The following SAMMSON variants were observed in gnomAD, a reference collection of about 807,000 sequenced individuals.
The protein encoded by SAMMSON is long intergenic non-protein coding RNA 1212.
At chr3:70,035,111 A>AG (rs1167810786) in intron 3 of SAMMSON, among the ~76,000 whole-genome samples, 2 of 151,948 alleles carry the variant, frequency 1.3e-5, no homozygotes, top group African/African-American at 2.4e-5. Context: ...AATTATGTGA[A>AG]GGGGGGGATT....
chr3:70,118,144 G>A (rs920982906), intron 4 of SAMMSON, among the ~76,000 whole-genome samples: 1 of 151,962 alleles, frequency 6.6e-6, no homozygotes, highest in South Asian at 2.1e-4. Context: ...GGATGGTCTC[G>A]ATCTCCTGAC....
chr3:70,178,904 G>A (rs1249858254), intron 4 of SAMMSON, among the ~76,000 whole-genome samples: 1 of 152,090 alleles, frequency 6.6e-6, no homozygotes, highest in Admixed American at 6.5e-5. Flanking sequence ...GGGAGGCTGA[G>A]GTAGGAGAAT....
intron 4 of SAMMSON, among the ~76,000 whole-genome samples, chr3:70,215,826 G>A (rs1203074882): frequency 6.6e-6 from 1 of 152,066 alleles, no homozygotes; most frequent in Non-Finnish European, 1.5e-5. Context: ...GGCGTGTCTT[G>A]GTTTTCAGTT....
chr3:70,248,573 A>G (rs1701730566), intron 4 of SAMMSON, among the ~76,000 whole-genome samples: 2 of 152,068 alleles, frequency 1.3e-5, no homozygotes, highest in Non-Finnish European at 2.9e-5. Context: ...ATTTAGAAAG[A>G]GAATGTTGGC....
At chr3:70,380,091 G>T (rs761184766) in intron 9 of SAMMSON, among the ~76,000 whole-genome samples, 6 of 151,976 alleles carry the variant, frequency 3.9e-5, no homozygotes, top group Non-Finnish European at 7.4e-5. Context: ...TTTATATAAA[G>T]TGCTGGTGGC....
intron 7 of SAMMSON, chr3:70,291,895 T>C (rs1023180580): frequency 6.6e-6 from 1 of 152,224 alleles, no homozygotes. Context: ...TATTTTCTGC[T>C]CTCTTATCTT....
chr3:70,078,503 A>T (rs1323959258), intron 4 of SAMMSON, among the ~76,000 whole-genome samples: 1 of 152,100 alleles, frequency 6.6e-6, no homozygotes, highest in African/African-American at 2.4e-5. Flanking sequence ...CAGCCTTCAG[A>T]TTCCCCACAT....
intron 4 of SAMMSON, among the ~76,000 whole-genome samples, chr3:70,219,063 A>G (rs990950582): frequency 2.0e-5 from 3 of 152,198 alleles, no homozygotes; most frequent in Non-Finnish European, 4.4e-5. Flanking sequence ...GTTTAAAAAA[A>G]TTATTTCTAA....
intron 2 of SAMMSON, among the ~76,000 whole-genome samples, chr3:70,430,155 TA>T (rs1194040967): frequency 4.6e-5 from 7 of 152,290 alleles, no homozygotes; most frequent in Admixed American, 1.3e-4. Flanking sequence ...GTACCTAGTT[TA>T]TTGAGAGTTT....
At chr3:70,224,717 G>GTGAA (rs1553646736) in intron 4 of SAMMSON, among the ~76,000 whole-genome samples, 1 of 148,690 alleles carries the variant, frequency 6.7e-6, no homozygotes, top group Non-Finnish European at 1.5e-5. Context: ...TTCACCCTTG[G>GTGAA]TTTTTTTTTT....
chr3:70,172,465 G>A (rs1222396287), intron 4 of SAMMSON: 1 of 151,646 alleles, frequency 6.6e-6, no homozygotes, highest in African/African-American at 2.4e-5. Context: ...TATTCAAAGG[G>A]GTAAAAAGTT....
intron 9 of SAMMSON, among the ~76,000 whole-genome samples, chr3:70,369,932 T>G (rs1234555692): frequency 6.6e-6 from 1 of 151,908 alleles, no homozygotes; most frequent in South Asian, 2.1e-4. Flanking sequence ...TAACTGTAGT[T>G]TGTACCCATT....
At chr3:70,258,243 C>A (rs1020532247) in intron 6 of SAMMSON, among the ~76,000 whole-genome samples, 2 of 152,080 alleles carry the variant, frequency 1.3e-5, no homozygotes, top group Admixed American at 1.3e-4. Context: ...GCAACAATTT[C>A]TTAGATCAGA....
At chr3:70,320,190 T>G (rs974842663) in intron 7 of SAMMSON, among the ~76,000 whole-genome samples, 4 of 152,020 alleles carry the variant, frequency 2.6e-5, no homozygotes, top group Admixed American at 2.0e-4. Context: ...ACAGACATGA[T>G]ATAAGCTGTA....
At chr3:70,187,096 C>A (rs973950280) in intron 4 of SAMMSON, among the ~76,000 whole-genome samples, 1 of 152,120 alleles carries the variant, frequency 6.6e-6, no homozygotes, top group Non-Finnish European at 1.5e-5. Flanking sequence ...GGCTCCTGAA[C>A]CCACCAAGGC....
At chr3:70,052,881 T>A (rs2067151639) in intron 3 of SAMMSON, among the ~76,000 whole-genome samples, 2 of 152,166 alleles carry the variant, frequency 1.3e-5, no homozygotes, top group Non-Finnish European at 2.9e-5. Flanking sequence ...CCAACGTTAA[T>A]GCGTATTATT....
chr3:70,377,618 A>C (rs1703031758), intron 9 of SAMMSON, among the ~76,000 whole-genome samples: 1 of 152,140 alleles, frequency 6.6e-6, no homozygotes, highest in Non-Finnish European at 1.5e-5. Flanking sequence ...TCAGAGCCAT[A>C]AAAGAAAAGA....
chr3:70,264,403 G>C (rs536961092), intron 6 of SAMMSON, among the ~76,000 whole-genome samples: 82 of 152,224 alleles, frequency 5.4e-4, no homozygotes, highest in African/African-American at 1.9e-3. Context: ...ACAGCAACAG[G>C]GCTTATCCAA....
intron 7 of SAMMSON, among the ~76,000 whole-genome samples, chr3:70,336,372 G>T (rs898963307): frequency 2.0e-5 from 3 of 151,956 alleles, no homozygotes; most frequent in Non-Finnish European, 4.4e-5. Flanking sequence ...TTTTATACTG[G>T]TGATTGTAGG....
Sources: gnomAD v4.1 joint callset for allele counts (sites outside exome capture counted in the v4.1 genomes callset) on GRCh38, gnomAD v4.1.1 for gene constraint, MANE v1.5 for transcripts, NCBI Gene and HGNC (gene_info 2026-07-23, HGNC 2026-07-21) for gene names.